Variants in KIAA1671 observed in about 807,000 individuals in gnomAD.
KIAA1671 encodes the protein KIAA1671.
Under a neutral mutation model 131.2 loss-of-function variants are expected in KIAA1671, and 52 were observed. The observed-to-expected ratio is 0.40, with a 90% CI of 0.32 to 0.50. The LOEUF (loss-of-function observed/expected upper bound fraction) is 0.50, where lower values mean the gene tolerates loss of function less well. KIAA1671 is among the 20% of genes least tolerant of loss of function. The pLI is 0.73. For synonymous variants in KIAA1671, 1,003 were observed against 961.6 expected, an observed-to-expected ratio of 1.04 and a Z score of -0.80; for missense variants, 2,360 against 2,364.2, an observed-to-expected ratio of 1.00 and a Z score of 0.04.
rs184176272 is a variant in KIAA1671 at position 24,954,911 on chromosome 22, G to A, written c.-208+2139G>A. Among the ~76,000 whole-genome samples, 1,157 of 152,220 alleles carry A rather than the reference G, an allele frequency of 7.6e-3. 9 individuals carry two copies. Among genetic ancestry groups the A allele is most frequent in the Middle Eastern group, 0.024 (7 of 294 alleles). The stretch of plus-strand genomic sequence containing the variant: ...TTCTCCGGCCTCAGCCTCCAGAGTG[G>A]CTGGGATTACAGATGCCCGCCACTC... On this transcript the variant is annotated intron_variant, in intron 1 of 12. Transcript: ENST00000358431.
chr22:25,083,098 C>G (rs5752053), intron 6 of KIAA1671, among the ~76,000 whole-genome samples: 2 of 151,968 alleles, frequency 1.3e-5, no homozygotes, highest in Non-Finnish European at 2.9e-5. Flanking sequence ...CCAGAGACTT[C>G]TGAATGGCTT....
At chr22:25,183,208 CTG>C (rs1934350708) in intron 10 of KIAA1671, among the ~76,000 whole-genome samples, 1 of 152,244 alleles carries the variant, frequency 6.6e-6, no homozygotes, top group Non-Finnish European at 1.5e-5. Context: ...TTTCTCAACT[CTG>C]TGTATGCCAT....
intron 6 of KIAA1671, among the ~76,000 whole-genome samples, chr22:25,118,036 G>A (rs1235942328): frequency 6.6e-6 from 1 of 151,738 alleles, no homozygotes; most frequent in Non-Finnish European, 1.5e-5. Context: ...TACTCAGGAG[G>A]CTGAGGCAGG....
At chr22:25,065,651 T>A (rs923379936) in intron 6 of KIAA1671, among the ~76,000 whole-genome samples, 6 of 150,374 alleles carry the variant, frequency 4.0e-5, no homozygotes, top group South Asian at 2.1e-4. Flanking sequence ...ATTATTATTT[T>A]TTTTTTTTTG....
chr22:25,122,800 C>T (rs926051060), intron 6 of KIAA1671, among the ~76,000 whole-genome samples: 1 of 152,124 alleles, frequency 6.6e-6, no homozygotes, highest in Non-Finnish European at 1.5e-5. Flanking sequence ...TGGTGAAACC[C>T]CGTCTCTACT....
At position 25,121,320 on chromosome 22, in the gene KIAA1671, G is replaced by A. The variant is rs540093221; in HGVS notation, c.4531-49500G>A. ...TACTAAAAATACAAAAAATTAGCTG[G>A]GCAAGGTGGTGGGCGCCTGTAGTCC... On this transcript the variant is annotated intron_variant, in intron 6 of 12. Coordinates refer to ENST00000358431, the MANE Select transcript of KIAA1671 (RefSeq NM_001145206.2). Among the ~76,000 whole-genome samples, 3 of 152,224 alleles carry A rather than the reference G, an allele frequency of 2.0e-5. No homozygotes were observed. In the East Asian group the frequency reaches 5.8e-4, roughly 29 times the overall value.
intron 6 of KIAA1671, chr22:25,053,441 C>T (rs985277713): frequency 5.3e-5 from 8 of 152,188 alleles, no homozygotes; most frequent in African/African-American, 1.2e-4. Context: ...CATCTTGTGA[C>T]GATGAAGTCA....
chr22:25,040,493 T>C lies in KIAA1671; in HGVS notation c.3363T>C (p.Asn1121=). ...SLGAWSLDPF[N]GRIIDVDALW... is the part of the protein sequence containing the mutation. ...GGGCCTGGAGTCTGGACCCTTTCAATGGAAGAATCATTGATGTGGATGCCT... is the reference window on the plus strand; with the variant it reads ...GGGCCTGGAGTCTGGACCCTTTCAACGGAAGAATCATTGATGTGGATGCCT... Residue 1121 remains asparagine (N), a synonymous_variant, in exon 5 of 13, where the codon AAT becomes AAC. Transcript: ENST00000358431. The C allele has an allele frequency of 6.4e-7, 1 of 1,551,916 alleles. No homozygotes were observed. Among genetic ancestry groups the C allele is most frequent in the East Asian group, 2.4e-5 (1 of 40,920 alleles).
At chr22:25,012,533 A>G (rs190614592) in intron 1 of KIAA1671, 14 of 152,204 alleles carry the variant, frequency 9.2e-5, no homozygotes, top group Admixed American at 2.6e-4. Flanking sequence ...TGAGCCTCCC[A>G]AAGTGTTGAG....
intron 6 of KIAA1671, among the ~76,000 whole-genome samples, chr22:25,105,284 A>C (rs1047732849): frequency 6.6e-6 from 1 of 152,002 alleles, no homozygotes; most frequent in African/African-American, 2.4e-5. Flanking sequence ...AGCCTCCCAA[A>C]GTGTTGGGAT....
At chr22:25,123,808 G>A (rs555445027) in intron 6 of KIAA1671, among the ~76,000 whole-genome samples, 5 of 152,184 alleles carry the variant, frequency 3.3e-5, no homozygotes, top group African/African-American at 7.2e-5. Flanking sequence ...TTCCAGAAAC[G>A]GTGTGAGATA....
Position 24,995,044 on chromosome 22 carries a change from A to G in KIAA1671, c.-207-30589A>G, listed in dbSNP as rs1316406835. Among the ~76,000 whole-genome samples the G allele has an allele frequency of 8.1e-5, 11 of 135,850 alleles. No individual in the cohort carries two copies. The East Asian group carries it at 2.5e-3, about 31-fold the overall frequency. 89.1% of individuals were successfully genotyped at this position (135,850 alleles called of 152,430 possible). On this transcript the variant is annotated intron_variant, in intron 1 of 12. Coordinates refer to ENST00000358431, the MANE Select transcript of KIAA1671 (RefSeq NM_001145206.2). Reference sequence around the variant, plus strand: ...CTCATCCCGTCTCTGTTTGTATGTTAGGTTTTTTTTTTTTTTTTTAATTTG... The same window carrying G: ...CTCATCCCGTCTCTGTTTGTATGTTGGGTTTTTTTTTTTTTTTTTAATTTG...
rs200650823 is a variant in KIAA1671, at chr22:25,049,400, G to T, written c.4530+36G>T. On this transcript the variant is annotated intron_variant, in intron 6 of 12. Transcript: ENST00000358431. Reference sequence around the variant, plus strand: ...CAACATGGCTGGAGAGGATTGCACAGGGGTGCTGGTTGCTGGACACTGCTG... The same window carrying T: ...CAACATGGCTGGAGAGGATTGCACATGGGTGCTGGTTGCTGGACACTGCTG... 6.3e-3 allele frequency: 9,613 copies of T among 1,536,262 alleles called. 39 individuals are homozygous for T. Among genetic ancestry groups the T allele is most frequent in the Non-Finnish European group, 7.9e-3 (8,935 of 1,135,354 alleles).
At chr22:25,001,771 G>C (rs957469442) in intron 1 of KIAA1671, among the ~76,000 whole-genome samples, 1 of 152,186 alleles carries the variant, frequency 6.6e-6, no homozygotes, top group Non-Finnish European at 1.5e-5. Context: ...GCAGGCCTGA[G>C]TGCCTGTTGG....
At chr22:25,088,939 G>A (rs537507715) in intron 6 of KIAA1671, among the ~76,000 whole-genome samples, 11 of 152,246 alleles carry the variant, frequency 7.2e-5, no homozygotes, top group Admixed American at 4.6e-4. Context: ...CATGGTTTCC[G>A]TATCCGTGGA....
intron 1 of KIAA1671, among the ~76,000 whole-genome samples, chr22:25,008,204 A>G (rs1924854147): frequency 6.7e-6 from 1 of 149,054 alleles, no homozygotes; most frequent in Admixed American, 6.7e-5. Flanking sequence ...TCGCAAAAAA[A>G]AAAAAAAAAA....
At chr22:25,117,585 C>CCACACACACACA (rs4049524) in intron 6 of KIAA1671, among the ~76,000 whole-genome samples, 1,796 of 123,864 alleles carry the variant, frequency 0.014, 49 homozygotes, top group African/African-American at 0.025. Flanking sequence ...TCTCCCCCAA[C>CCACACACACACA]CACACACACA....
chr22:25,024,120 T>C (rs1418232468), intron 1 of KIAA1671: 1 of 152,216 alleles, frequency 6.6e-6, no homozygotes, highest in Admixed American at 6.5e-5. Flanking sequence ...ACAGAGGCAC[T>C]GTTTGGTGTA....
chr22:25,093,846 C>CTCTT lies in KIAA1671; in HGVS notation c.4530+44485_4530+44486insTTCT, dbSNP rs1568951663. Reference sequence around the variant, plus strand: ...TCTTTCTCTCTCTGTCTGTCTCTCTCTCTCTCTCTCTCTCTCTCTCTCTCT... The same window carrying CTCTT: ...TCTTTCTCTCTCTGTCTGTCTCTCTCTCTTTCTCTCTCTCTCTCTCTCTCTCTCT... On this transcript the variant is annotated intron_variant, in intron 6 of 12. Coordinates refer to ENST00000358431, the MANE Select transcript of KIAA1671 (RefSeq NM_001145206.2). Among the ~76,000 whole-genome samples the CTCTT allele has an allele frequency of 2.1e-4, 20 of 94,652 alleles. 3 individuals carry two copies. The highest frequency in any genetic ancestry group is 5.2e-4 in the African/African-American group (14 of 27,004). 62.1% of individuals were successfully genotyped at this position (94,652 alleles called of 152,430 possible).
Sources: gnomAD v4.1 joint callset for allele counts (sites outside exome capture counted in the v4.1 genomes callset) on GRCh38, gnomAD v4.1.1 for gene constraint, MANE v1.5 for transcripts, NCBI Gene and HGNC (gene_info 2026-07-23, HGNC 2026-07-21) for gene names.